ANKRD11: variants seen among roughly 807,000 people sequenced by gnomAD.
ANKRD11 encodes ankyrin repeat domain 11.
Under a neutral mutation model 195.7 loss-of-function variants are expected in ANKRD11, and 17 were observed. The observed-to-expected ratio is 0.09, with a 90% CI of 0.06 to 0.13. ANKRD11 has a LOEUF of 0.13. ANKRD11 is among the 10% of genes least tolerant of loss of function. The pLI, the probability that ANKRD11 is intolerant of heterozygous loss-of-function variation, is 1.00. For missense variants in ANKRD11, 3,735 were observed against 3,566.1 expected, an observed-to-expected ratio of 1.05 and a Z score of -1.21; for synonymous variants, 1,953 against 1,528.1, an observed-to-expected ratio of 1.28 and a Z score of -6.49.
chr16:89,455,183 T>C (rs1189517078), intron 1 of ANKRD11, among the ~76,000 whole-genome samples: 2 of 138,886 alleles, frequency 1.4e-5, no homozygotes, highest in Non-Finnish European at 3.1e-5. Context: ...TGGGTGCTTC[T>C]AGCATTCCTC....
intron 2 of ANKRD11, among the ~76,000 whole-genome samples, chr16:89,362,569 C>T (rs549103186): frequency 1.3e-5 from 2 of 152,370 alleles, no homozygotes; most frequent in East Asian, 3.9e-4. Context: ...AGTTCCTCTT[C>T]AAAGACTTTC....
intron 2 of ANKRD11, among the ~76,000 whole-genome samples, chr16:89,379,007 C>T (rs770198712): frequency 1.3e-5 from 2 of 152,220 alleles, no homozygotes; most frequent in Admixed American, 6.5e-5. Context: ...AAGACGCCTC[C>T]TGCAGTCGTA....
chr16:89,431,528 C>T (rs2042978312), intron 1 of ANKRD11, among the ~76,000 whole-genome samples: 1 of 152,200 alleles, frequency 6.6e-6, no homozygotes, highest in African/African-American at 2.4e-5. Flanking sequence ...CTAGCATGGT[C>T]TCGCAGTAGC....
chr16:89,341,135 A>G (rs181863302), intron 2 of ANKRD11, among the ~76,000 whole-genome samples: 1 of 152,348 alleles, frequency 6.6e-6, no homozygotes, highest in Admixed American at 6.5e-5. Flanking sequence ...AAAGAAATCA[A>G]GGTTTCCACT....
intron 2 of ANKRD11, among the ~76,000 whole-genome samples, chr16:89,398,157 TG>T: frequency 6.6e-6 from 1 of 151,366 alleles, no homozygotes. Flanking sequence ...AGACTACCTG[TG>T]ACCTCAGCAC....
chr16:89,269,494 T>C (rs2032947691), intron 12 of ANKRD11, among the ~76,000 whole-genome samples: 1 of 152,214 alleles, frequency 6.6e-6, no homozygotes, highest in Non-Finnish European at 1.5e-5. Flanking sequence ...ATCACCAGTG[T>C]AAATTGTTAC....
intron 2 of ANKRD11, among the ~76,000 whole-genome samples, chr16:89,347,258 CCTGA>C (rs1286931000): frequency 2.6e-5 from 4 of 152,164 alleles, no homozygotes; most frequent in Non-Finnish European, 4.4e-5. Flanking sequence ...GACACATAAG[CCTGA>C]CTGTCGCACA....
At chr16:89,474,791 G>A (rs1240875714) in intron 1 of ANKRD11, among the ~76,000 whole-genome samples, 2 of 152,238 alleles carry the variant, frequency 1.3e-5, no homozygotes, top group South Asian at 2.1e-4. Flanking sequence ...TGCCTTCAAG[G>A]TTACATATGC....
In ANKRD11 at chr16:89,279,201, C is replaced by T. The variant is rs1246626549; in HGVS notation, c.7341G>A (p.Lys2447=). 1.9e-6 allele frequency: 3 copies of T among 1,612,490 alleles called. No homozygotes were observed. Among genetic ancestry groups the T allele is most frequent in the Admixed American group, 1.7e-5 (1 of 60,016 alleles). ...PYFEYLQIRK[K]IEEKRKILCC... Reference sequence around the variant, plus strand: ...ACAGGATCTTGCGCTTCTCCTCGATCTTCTTCCTGATCTGCAGGTATTCGA... The same window carrying T: ...ACAGGATCTTGCGCTTCTCCTCGATTTTCTTCCTGATCTGCAGGTATTCGA... The change falls in exon 9 of 13, where the codon AAG becomes AAA. Residue 2447 remains lysine, a synonymous_variant. Transcript: ENST00000301030. This position sits in a 1 kb window ranked among gnomAD's most constrained non-coding sequence, Gnocchi z 5.6.
At chr16:89,287,061 C>A (rs1295292665) in intron 7 of ANKRD11, 1 of 1,289,802 alleles carries the variant, frequency 7.8e-7, no homozygotes, top group African/African-American at 1.5e-5. Context: ...TTGTGGAGGT[C>A]AGAGGTCAAG....
chr16:89,389,163 T>C (rs1316036602), intron 2 of ANKRD11, among the ~76,000 whole-genome samples: 1 of 151,446 alleles, frequency 6.6e-6, no homozygotes, highest in Non-Finnish European at 1.5e-5. Context: ...GGATGACAGA[T>C]ACACGCCACT....
At chr16:89,383,667 G>A (rs943803129) in intron 2 of ANKRD11, among the ~76,000 whole-genome samples, 3 of 151,596 alleles carry the variant, frequency 2.0e-5, no homozygotes, top group Non-Finnish European at 2.9e-5. Flanking sequence ...CCCTACCCTC[G>A]GACCAGCAAC....
chr16:89,385,151 C>T lies in ANKRD11; in HGVS notation c.-60+33133G>A, dbSNP rs1384009461. On this transcript the variant is annotated intron_variant, in intron 2 of 12. Coordinates refer to ENST00000301030, the MANE Select transcript of ANKRD11 (RefSeq NM_013275.6). ...TCCACCTCCCAAAGTGCTGGGATTA[C>T]AGGCGTGAGCCACTGTACCCGGCCT... Among the ~76,000 whole-genome samples the T allele has an allele frequency of 4.0e-5, 6 of 151,762 alleles. No individual in the cohort carries two copies. In the East Asian group the frequency reaches 9.7e-4, roughly 24 times the overall value.
At chr16:89,438,684 G>C (rs1168777351) in intron 1 of ANKRD11, among the ~76,000 whole-genome samples, 1 of 152,030 alleles carries the variant, frequency 6.6e-6, no homozygotes, top group African/African-American at 2.4e-5. Context: ...CAGTTTGGAA[G>C]GCATTGCCCC....
chr16:89,436,581 C>G (rs2043225698), intron 1 of ANKRD11, among the ~76,000 whole-genome samples: 11 of 152,156 alleles, frequency 7.2e-5, no homozygotes, highest in Admixed American at 7.2e-4. Context: ...TCCGCAAGAG[C>G]AGGACTGAAG....
intron 2 of ANKRD11, among the ~76,000 whole-genome samples, chr16:89,374,683 C>G (rs556065855): frequency 1.3e-5 from 2 of 152,144 alleles, no homozygotes; most frequent in African/African-American, 4.8e-5. Context: ...CAGAGAGCAT[C>G]GGGAAAAGCA....
At chr16:89,377,337 G>A (rs764466352) in intron 2 of ANKRD11, among the ~76,000 whole-genome samples, 4 of 152,174 alleles carry the variant, frequency 2.6e-5, no homozygotes, top group Non-Finnish European at 2.9e-5. Context: ...CATTGTTATA[G>A]AGAAAGCCAT....
intron 2 of ANKRD11, among the ~76,000 whole-genome samples, chr16:89,357,621 C>G (rs748078834): frequency 2.0e-5 from 3 of 152,174 alleles, no homozygotes; most frequent in Non-Finnish European, 4.4e-5. Context: ...CCGAGTGTCC[C>G]CTGGCGGATG....
chr16:89,275,204 GGTGA>G lies in ANKRD11; in HGVS notation c.7471-17_7471-14del. On this transcript the variant is annotated splice_polypyrimidine_tract_variant and intron_variant, in intron 9 of 12. Coordinates refer to ENST00000301030, the MANE Select transcript of ANKRD11 (RefSeq NM_013275.6). ...GAGGGGGTGCGATCTACAGGCAAAA[GGTGA>G]GTGTGGGGGGTCAGCTGGGGCTGTG... is the stretch of plus-strand genomic sequence containing the variant. 1 of 1,596,364 alleles carries G rather than the reference GGTGA, an allele frequency of 6.3e-7. No homozygotes were observed. Among genetic ancestry groups the G allele is most frequent in the Non-Finnish European group, 8.5e-7 (1 of 1,171,298 alleles).
Sources: gnomAD v4.1 joint callset for allele counts (sites outside exome capture counted in the v4.1 genomes callset) on GRCh38, gnomAD v4.1.1 for gene constraint, Gnocchi (gnomAD v3.1) non-coding constraint, MANE v1.5 for transcripts, NCBI Gene and HGNC (gene_info 2026-07-23, HGNC 2026-07-21) for gene names.